The following VDAC1 variants were observed in gnomAD, a reference collection of about 807,000 sequenced individuals.
The protein encoded by VDAC1 is voltage dependent anion channel 1.
VDAC1 carries 10 observed loss-of-function variants against 34.7 expected under a neutral mutation model. That is an observed-to-expected ratio of 0.29 (90% CI 0.18 to 0.49). The LOEUF (loss-of-function observed/expected upper bound fraction) is 0.49. Among genes scored for constraint, VDAC1 ranks in the 20% least tolerant of loss-of-function variants. VDAC1 has a pLI of 0.99. For synonymous variants in VDAC1, 130 were observed against 136.0 expected, an observed-to-expected ratio of 0.96 and a Z score of 0.30; for missense variants, 230 against 347.9, an observed-to-expected ratio of 0.66 and a Z score of 2.69.
the VDAC1 span, among the ~76,000 whole-genome samples, chr5:134,012,355 A>G: frequency 1.3e-5 from 2 of 152,264 alleles, no homozygotes; most frequent in African/African-American, 4.8e-5. Context: ...GAAGTGTTAC[A>G]ACAGCAATAG....
chr5:133,993,848 T>C (rs1328956637), intron 1 of VDAC1, among the ~76,000 whole-genome samples: 1 of 152,208 alleles, frequency 6.6e-6, no homozygotes, highest in Non-Finnish European at 1.5e-5. Context: ...CCACACTGCA[T>C]TCCTGGAAGG....
At chr5:133,977,198 T>C (rs1752514362) in intron 6 of VDAC1, among the ~76,000 whole-genome samples, 1 of 152,184 alleles carries the variant, frequency 6.6e-6, no homozygotes, top group African/African-American at 2.4e-5. Flanking sequence ...GCTGGGGAGA[T>C]ACAGTTGGCA....
chr5:134,023,461 T>C, the VDAC1 span, among the ~76,000 whole-genome samples: 1 of 141,128 alleles, frequency 7.1e-6, no homozygotes, highest in African/African-American at 2.6e-5. Flanking sequence ...GTTCTGCACA[T>C]GTATCCCAGA....
intron 7 of VDAC1, among the ~76,000 whole-genome samples, chr5:133,975,036 G>A (rs1752424507): frequency 6.6e-6 from 1 of 152,194 alleles, no homozygotes; most frequent in South Asian, 2.1e-4. Context: ...GGAGGTTGAG[G>A]TGGGAGGACA....
chr5:134,056,206 A>C, the VDAC1 span, among the ~76,000 whole-genome samples: 1 of 146,838 alleles, frequency 6.8e-6, no homozygotes, highest in Non-Finnish European at 1.5e-5. Flanking sequence ...GCACCATTGC[A>C]CTCCAGCCTA....
the VDAC1 span, among the ~76,000 whole-genome samples, chr5:134,103,457 G>A: frequency 2.6e-5 from 4 of 152,040 alleles, no homozygotes; most frequent in South Asian, 2.1e-4. Flanking sequence ...AACTGACACC[G>A]TTGTTTCTCT....
chr5:134,046,845 T>C, the VDAC1 span, among the ~76,000 whole-genome samples: 1 of 152,256 alleles, frequency 6.6e-6, no homozygotes, highest in Non-Finnish European at 1.5e-5. Flanking sequence ...CTTGGCCATG[T>C]GGCTTAGTGC....
At chr5:134,041,992 C>A in the VDAC1 span, among the ~76,000 whole-genome samples, 569 of 152,288 alleles carry the variant, frequency 3.7e-3, 3 homozygotes, top group Middle Eastern at 0.024. Context: ...TTTGGGGGAT[C>A]AGAGAAAGGG....
At chr5:133,980,486 C>T (rs1185889603) in intron 6 of VDAC1, among the ~76,000 whole-genome samples, 1 of 152,064 alleles carries the variant, frequency 6.6e-6, no homozygotes, top group South Asian at 2.1e-4. Flanking sequence ...ACTTTGTGTA[C>T]CTGTGGCAAT....
chr5:133,995,639 T>G (rs1334442658), intron 1 of VDAC1, among the ~76,000 whole-genome samples: 2 of 151,698 alleles, frequency 1.3e-5, no homozygotes, highest in Non-Finnish European at 2.9e-5. Flanking sequence ...TTTTGTGCAC[T>G]TCGGCCCATC....
In VDAC1 at chr5:133,990,843, T is replaced by A; in HGVS notation, c.323+12A>T. 1 of 1,530,414 alleles carries A rather than the reference T, an allele frequency of 6.5e-7. No homozygotes were observed. Among genetic ancestry groups the A allele is most frequent in the Middle Eastern group, 1.8e-4 (1 of 5,642 alleles). 94.8% of individuals were successfully genotyped at this position (1,530,414 alleles called of 1,614,324 possible). A position where few individuals can be genotyped will look rare whatever the true frequency, so the allele number is the denominator to read the frequency against. ...AGAACATCCTTGTGGAGAAAACAGA[T>A]GAAACTCTTACCCAGTGTTAGGTGA... On this transcript the variant is annotated intron_variant, in intron 5 of 8. Transcript: ENST00000265333.
At chr5:133,986,253 G>A (rs558330677) in intron 5 of VDAC1, among the ~76,000 whole-genome samples, 24 of 152,254 alleles carry the variant, frequency 1.6e-4, no homozygotes, top group Middle Eastern at 3.4e-3. Flanking sequence ...TCTACACTCC[G>A]CTCCTCCTGG....
chr5:133,976,940 G>A (rs1289166828), intron 6 of VDAC1, among the ~76,000 whole-genome samples: 1 of 151,918 alleles, frequency 6.6e-6, no homozygotes, highest in East Asian at 1.9e-4. Flanking sequence ...GCAACCTGGG[G>A]GGGTGAGGCA....
the VDAC1 span, among the ~76,000 whole-genome samples, chr5:134,106,819 G>A: frequency 2.0e-5 from 3 of 152,280 alleles, no homozygotes; most frequent in Middle Eastern, 3.4e-3. Flanking sequence ...ACCAAGTGGC[G>A]GGAGCAAAAT....
Position 133,992,835 on chromosome 5 carries a change from A to T in VDAC1, c.67+111T>A, listed in dbSNP as rs867260913. The T allele has an allele frequency of 6.4e-5, 67 of 1,041,468 alleles. 1 individual carries two copies. In the Middle Eastern group the frequency reaches 4.9e-3, roughly 76 times the overall value. 64.5% of individuals were successfully genotyped at this position (1,041,468 alleles called of 1,614,324 possible). A position where few individuals can be genotyped will look rare whatever the true frequency, so the allele number is the denominator to read the frequency against. ...GAAAGCTTCTTTTTTCCCTCACGTG[A>T]AAGTTCAGAACAGCTGACCTACCCA... is the stretch of plus-strand genomic sequence containing the variant. On this transcript the variant is annotated intron_variant, in intron 2 of 8. Coordinates refer to ENST00000265333, the MANE Select transcript of VDAC1 (RefSeq NM_003374.3).
the VDAC1 span, among the ~76,000 whole-genome samples, chr5:134,099,882 C>G: frequency 6.6e-6 from 1 of 152,280 alleles, no homozygotes; most frequent in South Asian, 2.1e-4. Flanking sequence ...CATGCCTGGC[C>G]CCAACTACCT....
intron 6 of VDAC1, among the ~76,000 whole-genome samples, chr5:133,977,429 A>T (rs1325652611): frequency 6.6e-6 from 1 of 152,054 alleles, no homozygotes; most frequent in Non-Finnish European, 1.5e-5. Flanking sequence ...ACACTGAATG[A>T]CTCCAGTTGC....
At chr5:134,006,750 A>ACCCCC (rs1561605416), upstream of VDAC1, among the ~76,000 whole-genome samples, 5 of 64,872 alleles carry the variant, frequency 7.7e-5, no homozygotes, top group African/African-American at 2.8e-4. Flanking sequence ...CCCCCCCCCA[A>ACCCCC]AAAAAAAAAA....
chr5:134,051,763 A>T, the VDAC1 span, among the ~76,000 whole-genome samples: 2 of 150,962 alleles, frequency 1.3e-5, no homozygotes, highest in Non-Finnish European at 1.5e-5. Context: ...CAATAGCACG[A>T]TCTCGGCTCA....
Sources: allele counts gnomAD v4.1 joint callset (sites outside exome capture counted in the v4.1 genomes callset), GRCh38; gene constraint gnomAD v4.1.1; transcripts MANE v1.5; gene names NCBI Gene and HGNC (gene_info 2026-07-23, HGNC 2026-07-21).